HYCC1: variants seen among roughly 807,000 people sequenced by gnomAD.
HYCC1 encodes the protein hyccin PI4KA lipid kinase complex subunit 1, also known as hyccin.
At chr7:22,946,273 T>G in the HYCC1 span, 1 of 822,578 alleles carries the variant, frequency 1.2e-6, no homozygotes, top group South Asian at 1.7e-5. Context: ...TTTAGCATAA[T>G]TTATAAAGCA....
chr7:22,921,812 A>G, the HYCC1 span, among the ~76,000 whole-genome samples: 1 of 152,210 alleles, frequency 6.6e-6, no homozygotes, highest in Admixed American at 6.5e-5. Context: ...TTCAATTGAG[A>G]AACCTTCAAG....
At chr7:22,997,940 T>G in the HYCC1 span, among the ~76,000 whole-genome samples, 7,742 of 152,264 alleles carry the variant, frequency 0.051, 226 homozygotes, top group Non-Finnish European at 0.055. Context: ...GATATCAGTG[T>G]GCTGTGGCAA....
At chr7:22,964,523 A>G in the HYCC1 span, 1 of 1,582,658 alleles carries the variant, frequency 6.3e-7, no homozygotes, top group Non-Finnish European at 8.7e-7. Context: ...ATATCCACAA[A>G]CACAGATTCT....
the HYCC1 span, among the ~76,000 whole-genome samples, chr7:22,918,329 C>T: frequency 6.6e-6 from 1 of 152,148 alleles, no homozygotes; most frequent in African/African-American, 2.4e-5. Flanking sequence ...TGCTGTATGA[C>T]AAATGCTATT....
At chr7:22,918,861 G>A in the HYCC1 span, among the ~76,000 whole-genome samples, 1 of 152,118 alleles carries the variant, frequency 6.6e-6, no homozygotes, top group Admixed American at 6.5e-5. Flanking sequence ...CTGCACCCAG[G>A]TGATTAAAAA....
chr7:22,920,124 T>C, the HYCC1 span, among the ~76,000 whole-genome samples: 1 of 152,096 alleles, frequency 6.6e-6, no homozygotes, highest in Non-Finnish European at 1.5e-5. Flanking sequence ...ACCCAGGAGT[T>C]TGACAGTAGC....
chr7:22,947,643 T>C, the HYCC1 span, among the ~76,000 whole-genome samples: 2 of 152,120 alleles, frequency 1.3e-5, no homozygotes, highest in East Asian at 3.9e-4. Flanking sequence ...ATGTCAAGTC[T>C]TAGGCAAATG....
chr7:22,977,307 G>T, the HYCC1 span: 1 of 1,281,858 alleles, frequency 7.8e-7, no homozygotes, highest in Non-Finnish European at 1.1e-6. Context: ...AAAGCTTAGG[G>T]TCAATAAACT....
the HYCC1 span, among the ~76,000 whole-genome samples, chr7:23,004,529 CAT>C: frequency 6.6e-6 from 1 of 152,114 alleles, no homozygotes; most frequent in South Asian, 2.1e-4. Context: ...AATTGTATGA[CAT>C]ATTTGATGTT....
chr7:22,942,140 C>T, the HYCC1 span: 1 of 152,090 alleles, frequency 6.6e-6, no homozygotes, highest in East Asian at 1.9e-4. Context: ...TTTATTCTTC[C>T]AAAATAGGCA....
the HYCC1 span, among the ~76,000 whole-genome samples, chr7:22,992,331 C>T: frequency 5.3e-5 from 8 of 152,056 alleles, no homozygotes; most frequent in East Asian, 5.8e-4. Flanking sequence ...TTGGGTAATA[C>T]GCATTTTATT....
the HYCC1 span, chr7:22,960,362 C>T: frequency 6.2e-7 from 1 of 1,613,366 alleles, no homozygotes; most frequent in South Asian, 1.1e-5. Flanking sequence ...TTGTACCTTC[C>T]TTATTAGATT....
At chr7:22,981,525 G>C in the HYCC1 span, among the ~76,000 whole-genome samples, 3 of 152,246 alleles carry the variant, frequency 2.0e-5, no homozygotes, top group Middle Eastern at 3.4e-3. Flanking sequence ...CTGAAAGAGC[G>C]AGTGGTTTTT....
chr7:22,896,390 G>GA, the HYCC1 span, among the ~76,000 whole-genome samples: 2 of 152,182 alleles, frequency 1.3e-5, no homozygotes, highest in Non-Finnish European at 2.9e-5. Flanking sequence ...AATTCACTCA[G>GA]AATGACCACT....
At chr7:22,976,704 T>C in the HYCC1 span, 5 of 1,601,526 alleles carry the variant, frequency 3.1e-6, no homozygotes, top group South Asian at 4.4e-5. Context: ...GATTCTGTGC[T>C]GTCAGCATCT....
the HYCC1 span, among the ~76,000 whole-genome samples, chr7:22,930,398 A>T: frequency 6.6e-6 from 1 of 150,970 alleles, no homozygotes; most frequent in South Asian, 2.1e-4. Flanking sequence ...AAAAAGAAAA[A>T]AAAAAAAGAA....
chr7:22,953,390 G>C, the HYCC1 span, among the ~76,000 whole-genome samples: 1 of 151,874 alleles, frequency 6.6e-6, no homozygotes, highest in South Asian at 2.1e-4. Context: ...ACTACAGCAA[G>C]ATTTATGTAA....
chr7:22,946,340 T>C, the HYCC1 span, among the ~76,000 whole-genome samples: 15 of 152,176 alleles, frequency 9.9e-5, no homozygotes, highest in Non-Finnish European at 1.9e-4. Flanking sequence ...ATGTCAAAAA[T>C]ACTTCACTGT....
At chr7:22,918,215 C>G in the HYCC1 span, among the ~76,000 whole-genome samples, 13 of 152,194 alleles carry the variant, frequency 8.5e-5, no homozygotes, top group African/African-American at 2.9e-4. Flanking sequence ...TCCTCCCAAT[C>G]TTAGTCCTTT....
Sources: allele counts gnomAD v4.1 joint callset (sites outside exome capture counted in the v4.1 genomes callset), GRCh38; gene constraint gnomAD v4.1.1; transcripts MANE v1.5; gene names NCBI Gene and HGNC (gene_info 2026-07-23, HGNC 2026-07-21).